Variants in MDGA1 observed in about 807,000 individuals in gnomAD.
MDGA1 encodes MAM domain containing glycosylphosphatidylinositol anchor 1, also known as MAM domain-containing glycosylphosphatidylinositol anchor protein 1.
MDGA1 carries 54 observed loss-of-function variants against 101.5 expected under a neutral mutation model. That is an observed-to-expected ratio of 0.53 (90% CI 0.43 to 0.67). The LOEUF is 0.67. Among genes scored for constraint, MDGA1 ranks in the 30% least tolerant of loss-of-function variants. MDGA1 has a pLI of 0.00. For synonymous variants in MDGA1, 533 were observed against 558.3 expected (o/e 0.95, Z 0.64); for missense variants, 1,083 against 1,323.8 (o/e 0.82, Z 2.82).
At chr6:37,647,078 C>A in intron 10 of MDGA1, 95 bp downstream of exon 10, 1 of 1,185,918 alleles carries the variant, frequency 8.4e-7, no homozygotes, top group Middle Eastern at 2.6e-4. Flanking sequence ...GTCTAAGCCC[C>A]ATCTCCGACC....
At chr6:37,693,609 C>T (rs994952639) in intron 1 of MDGA1, among the ~76,000 whole-genome samples, 1 of 152,200 alleles carries the variant, frequency 6.6e-6, no homozygotes, top group Non-Finnish European at 1.5e-5. Flanking sequence ...GAGCAGAAGC[C>T]GGGACAGAAG....
Position 37,637,096 on chromosome 6 carries a change from T to C in MDGA1, c.*272A>G. 2.7e-6 allele frequency: 1 copy of C among 365,718 alleles called. No individual in the cohort carries two copies. Among genetic ancestry groups the C allele is most frequent in the Non-Finnish European group, 5.0e-6 (1 of 201,576 alleles). 22.7% of individuals were successfully genotyped at this position (365,718 alleles called of 1,614,324 possible). ...CCTGTCTTTGCAGTAAAGAAGGTGCTGGCAGGTCAGATAGAAACTTGTGCT... is the reference window on the plus strand; with the variant it reads ...CCTGTCTTTGCAGTAAAGAAGGTGCCGGCAGGTCAGATAGAAACTTGTGCT... On this transcript the variant is annotated 3_prime_UTR_variant, in exon 17 of 17. Coordinates refer to ENST00000434837, the MANE Select transcript of MDGA1 (RefSeq NM_153487.4).
intron 1 of MDGA1, among the ~76,000 whole-genome samples, chr6:37,689,557 C>T (rs1561865316): frequency 2.0e-5 from 3 of 152,332 alleles, no homozygotes; most frequent in South Asian, 4.1e-4. Flanking sequence ...ATCTGACAAG[C>T]GGAGAAGCCA....
chr6:37,672,339 G>A (rs1397291519), intron 1 of MDGA1, among the ~76,000 whole-genome samples: 1 of 151,364 alleles, frequency 6.6e-6, no homozygotes, highest in Non-Finnish European at 1.5e-5. Flanking sequence ...TGTAATCCTA[G>A]CTAAGAGGGA....
intron 1 of MDGA1, among the ~76,000 whole-genome samples, chr6:37,692,871 CCT>C (rs1291454642): frequency 6.6e-6 from 1 of 152,156 alleles, no homozygotes; most frequent in African/African-American, 2.4e-5. Flanking sequence ...GACCTCCTCC[CCT>C]GACCTAGAGC....
intron 1 of MDGA1, among the ~76,000 whole-genome samples, chr6:37,678,553 C>T (rs1173298255): frequency 1.3e-5 from 2 of 152,154 alleles, no homozygotes; most frequent in Non-Finnish European, 2.9e-5. Flanking sequence ...CTGCCATGCC[C>T]TCTGCCATCG....
chr6:37,696,915 T>A lies in MDGA1; in HGVS notation c.-104A>T. On this transcript the variant is annotated 5_prime_UTR_variant, in exon 1 of 17. Transcript: ENST00000434837. This position sits in a 1 kb window ranked among gnomAD's most constrained non-coding sequence, Gnocchi z 5.6. ...ACGCCCCTATGTCCCCCCCTTTCCC[T>A]GAGAGGTGAGAGAGAGAGCGGCGAC... 1 of 911,294 alleles carries A rather than the reference T, an allele frequency of 1.1e-6. No individual in the cohort carries two copies. Among genetic ancestry groups the A allele is most frequent in the Non-Finnish European group, 1.8e-6 (1 of 569,736 alleles). 56.5% of individuals were successfully genotyped at this position (911,294 alleles called of 1,614,324 possible).
Position 37,696,757 on chromosome 6 carries a change from G to A in MDGA1, c.55C>T (p.Gln19Ter). Reference protein sequence around the residue: ...LALIPFHCRGQGVYAPAQAQI... With the variant: ...LALIPFHCRG ...CGCGGGCTCTTACCGTAGACTCCTT[G>A]TCCCCGGCAGTGGAAGGGGATCAGC... Residue 19 changes from glutamine (Q) to a stop codon, truncating the protein, a stop_gained, in exon 1 of 17, where the codon CAA (glutamine) becomes TAA (stop). Coordinates refer to ENST00000434837, the MANE Select transcript of MDGA1 (RefSeq NM_153487.4). LOFTEE classifies it high-confidence loss of function. This position sits in a 1 kb window ranked among gnomAD's most constrained non-coding sequence, Gnocchi z 5.6. The A allele has an allele frequency of 6.3e-7, 1 of 1,582,832 alleles. No homozygotes were observed. Among genetic ancestry groups the A allele is most frequent in the Non-Finnish European group, 8.6e-7 (1 of 1,163,764 alleles).
intron 1 of MDGA1, among the ~76,000 whole-genome samples, chr6:37,695,253 T>G: frequency 6.6e-6 from 1 of 152,112 alleles, no homozygotes; most frequent in East Asian, 1.9e-4. Context: ...CTTAGGCACC[T>G]TGACCTGGGG....
chr6:37,664,763 T>C (rs1472511222), intron 1 of MDGA1, among the ~76,000 whole-genome samples: 2 of 150,372 alleles, frequency 1.3e-5, no homozygotes, highest in Non-Finnish European at 2.9e-5. Context: ...GAGAGCATTT[T>C]CCCAGCAAAT....
Position 37,658,313 on chromosome 6 carries a change from C to A in MDGA1, c.314G>T (p.Arg105Leu). ...IERIARTQGG[R>L]YYCKAENGVG... ...GCCGTTCTCAGCCTTGCAGTAGTAG[C>A]GGCCGCCCTGCGTGCGTGCAATACG... is the stretch of plus-strand genomic sequence containing the variant. The change falls in exon 3 of 17, where the codon CGC (arginine) becomes CTC (leucine). Residue 105 changes from arginine (R) to leucine (L), a missense_variant. Arg to Leu is a moderately radical substitution (Grantham distance 102). Around this residue, in one of 3 missense-constraint regions of MDGA1, gnomAD observed 310 missense variants for 355.9 expected, o/e 0.87. Coordinates refer to ENST00000434837, the MANE Select transcript of MDGA1 (RefSeq NM_153487.4). 5 of 1,612,320 alleles carry A rather than the reference C, an allele frequency of 3.1e-6. No homozygotes were observed. The highest frequency in any genetic ancestry group is 3.4e-6 in the Non-Finnish European group (4 of 1,179,466).
rs2114031662 is a variant in MDGA1 at position 37,655,636 on chromosome 6, A to G, written c.579+64T>C. 1.5e-6 allele frequency: 2 copies of G among 1,345,354 alleles called. No homozygotes were observed. The highest frequency in any genetic ancestry group is 1.5e-5 in the African/African-American group (1 of 68,744). The allele number at this position is 1,345,354 out of a possible 1,614,324, so 83.3% of individuals were successfully genotyped here. ...AAGGCAGTCCCAAAAACTCAGCCCC[A>G]TGCCCCCCTCCCCTGTTGGATGCAG... On this transcript the variant is annotated intron_variant, in intron 4 of 16. Coordinates refer to ENST00000434837, the MANE Select transcript of MDGA1 (RefSeq NM_153487.4). This position sits in a 1 kb window ranked among gnomAD's most constrained non-coding sequence, Gnocchi z 5.1.
At chr6:37,653,011 A>G (rs1207633248) in intron 6 of MDGA1, among the ~76,000 whole-genome samples, 1 of 152,254 alleles carries the variant, frequency 6.6e-6, no homozygotes, top group Non-Finnish European at 1.5e-5. Context: ...AAAACACAGC[A>G]TTTGGAAAGA....
At chr6:37,659,252 GACAGTAC>G (rs1761568304) in intron 2 of MDGA1, among the ~76,000 whole-genome samples, 1 of 152,228 alleles carries the variant, frequency 6.6e-6, no homozygotes. Flanking sequence ...GGAACTGTGA[GACAGTAC>G]ATGTTGTTTG....
intron 1 of MDGA1, among the ~76,000 whole-genome samples, chr6:37,680,745 C>T (rs1762074929): frequency 6.6e-6 from 1 of 152,254 alleles, no homozygotes; most frequent in Admixed American, 6.5e-5. Context: ...GCCTCAGCAG[C>T]CCCCCTGCCA....
rs780043857 is a variant in MDGA1 at position 37,643,789 on chromosome 6, T to G, written c.2536+20A>C. The stretch of plus-strand genomic sequence containing the variant: ...CCTCCAGCACACACTTGGTGGAGAC[T>G]ACCTGGCCCCCCAACTCACCGATGT... On this transcript the variant is annotated intron_variant, in intron 14 of 16. Coordinates refer to ENST00000434837, the MANE Select transcript of MDGA1 (RefSeq NM_153487.4). 66 of 1,613,466 alleles carry G rather than the reference T, an allele frequency of 4.1e-5. 1 individual carries two copies. The highest frequency in any genetic ancestry group is 1.1e-5 in the Non-Finnish European group (13 of 1,179,624).
chr6:37,630,697 T>A lies in MDGA1; in HGVS notation c.*6671A>T, dbSNP rs1041706741. 6.6e-6 allele frequency: 1 copy of A among 152,226 alleles called. No homozygotes were observed. Among genetic ancestry groups the A allele is most frequent in the African/African-American group, 2.4e-5 (1 of 41,452 alleles). The allele number at this position is 152,226 out of a possible 1,614,324, so 9.4% of individuals were successfully genotyped here. ...CAGGGGCTTAAAACAACTATTTTAT[T>A]ATATCCCATGACGATGGGTCAGGAA... On this transcript the variant is annotated 3_prime_UTR_variant, in exon 17 of 17. Coordinates refer to ENST00000434837, the MANE Select transcript of MDGA1 (RefSeq NM_153487.4).
At chr6:37,662,162 G>GA (rs10717477) in intron 2 of MDGA1, among the ~76,000 whole-genome samples, 4,818 of 131,372 alleles carry the variant, frequency 0.037, 207 homozygotes, top group African/African-American at 0.098. Flanking sequence ...ACCCTGTCTC[G>GA]AAAAAAAAAA....
At chr6:37,683,673 G>A (rs1251592221) in intron 1 of MDGA1, among the ~76,000 whole-genome samples, 1 of 152,218 alleles carries the variant, frequency 6.6e-6, no homozygotes, top group Non-Finnish European at 1.5e-5. Flanking sequence ...CTCACCCCAT[G>A]GTGGGATAAC....
Sources: allele counts gnomAD v4.1 joint callset (sites outside exome capture counted in the v4.1 genomes callset), GRCh38; gene constraint gnomAD v4.1.1; regional missense constraint gnomAD v4.1.1; non-coding constraint Gnocchi (gnomAD v3.1); transcripts MANE v1.5; gene names NCBI Gene and HGNC (gene_info 2026-07-23, HGNC 2026-07-21).